The following HTR4 variants were observed in gnomAD, a reference collection of about 807,000 sequenced individuals.
HTR4 encodes 5-hydroxytryptamine receptor 4.
Under a neutral mutation model 36.8 loss-of-function variants are expected in HTR4, and 16 were observed. That is an observed-to-expected ratio of 0.43 (90% CI 0.29 to 0.66). The LOEUF is 0.66. Ranked by LOEUF, HTR4 falls within the 30% of genes least tolerant of loss-of-function variation. The pLI is 0.13. For missense variants in HTR4, 438 were observed against 490.9 expected, an observed-to-expected ratio of 0.89 and a Z score of 1.02; for synonymous variants, 189 against 185.1, an observed-to-expected ratio of 1.02 and a Z score of -0.17.
chr5:148,490,608 C>T, intron 6 of HTR4: 2 of 1,166,436 alleles, frequency 1.7e-6, no homozygotes, highest in East Asian at 6.6e-5. Context: ...ACCTCTTCCC[C>T]AGAAATGTTG....
intron 5 of HTR4, among the ~76,000 whole-genome samples, chr5:148,460,199 TAGAA>T (rs934929820): frequency 1.4e-5 from 2 of 139,838 alleles, no homozygotes; most frequent in African/African-American, 2.6e-5. Context: ...AAAAAGAAAA[TAGAA>T]AGAAACAGAA....
downstream of HTR4, among the ~76,000 whole-genome samples, chr5:148,477,360 T>C (rs1755733161): frequency 6.6e-6 from 1 of 152,186 alleles, no homozygotes; most frequent in Non-Finnish European, 1.5e-5. Context: ...ACTGTATAAA[T>C]GCATCTTTGT....
chr5:148,510,212 G>A (rs948241947), intron 5 of HTR4, among the ~76,000 whole-genome samples, 188 bp from the exon 6 acceptor site: 2 of 152,026 alleles, frequency 1.3e-5, no homozygotes, highest in African/African-American at 4.8e-5. Flanking sequence ...AAGAGTAAAG[G>A]GGAAAGGAAA....
chr5:148,567,358 C>G (rs551620237), intron 2 of HTR4, among the ~76,000 whole-genome samples: 1 of 152,224 alleles, frequency 6.6e-6, no homozygotes, highest in East Asian at 1.9e-4. Context: ...TTATTTCTTG[C>G]AATAAAATCT....
chr5:148,609,181 G>T (rs1379154851), intron 2 of HTR4, among the ~76,000 whole-genome samples: 1 of 152,168 alleles, frequency 6.6e-6, no homozygotes, highest in Admixed American at 6.5e-5. Flanking sequence ...TACTTATAAT[G>T]GCATTGCATT....
chr5:148,482,121 G>T lies in HTR4; in HGVS notation c.*1082C>A. 1 of 985,920 alleles carries T rather than the reference G, an allele frequency of 1.0e-6. No homozygotes were observed. Among genetic ancestry groups the T allele is most frequent in the Non-Finnish European group, 1.2e-6 (1 of 830,354 alleles). 61.1% of individuals were successfully genotyped at this position (985,920 alleles called of 1,614,324 possible). The stretch of plus-strand genomic sequence containing the variant: ...GCAGCACAGCCAGGGCGGCAATTTG[G>T]GTCCTCTGGCTTCAAGTACAGCATT... On this transcript the variant is annotated 3_prime_UTR_variant, in exon 7 of 7. Transcript: ENST00000377888.
In HTR4 at chr5:148,654,489, G is replaced by A; in HGVS notation, c.-475C>T. The A allele has an allele frequency of 1.0e-6, 1 of 985,400 alleles. No homozygotes were observed. The allele number at this position is 985,400 out of a possible 1,614,324, so 61.0% of individuals were successfully genotyped here. On this transcript the variant is annotated 5_prime_UTR_variant, in exon 1 of 7. Transcript: ENST00000377888. ...GAGCGATCTCACCCGTTCCGGGCTG[G>A]CCAGCACGCGCCCTCCCTGGCCGGA...
chr5:148,649,516 G>A (rs1415653200), intron 1 of HTR4, among the ~76,000 whole-genome samples: 1 of 152,120 alleles, frequency 6.6e-6, no homozygotes, highest in East Asian at 1.9e-4. Flanking sequence ...AATTTATCTG[G>A]CAGTAGACAA....
intron 2 of HTR4, among the ~76,000 whole-genome samples, chr5:148,631,937 T>C (rs972417551): frequency 6.6e-6 from 1 of 152,130 alleles, no homozygotes; most frequent in African/African-American, 2.4e-5. Flanking sequence ...TTTACTCAGA[T>C]TTTCTGTGTT....
chr5:148,485,334 A>C (rs908781927), intron 6 of HTR4, among the ~76,000 whole-genome samples: 1 of 152,324 alleles, frequency 6.6e-6, no homozygotes, highest in Admixed American at 6.5e-5. Flanking sequence ...CAGACCTTAC[A>C]TTTAAGTCAT....
At chr5:148,650,418 C>G (rs144238774) in intron 1 of HTR4, among the ~76,000 whole-genome samples, 1 of 152,158 alleles carries the variant, frequency 6.6e-6, no homozygotes, top group African/African-American at 2.4e-5. Context: ...TTAAGGCTAG[C>G]CCTATGAATA....
chr5:148,523,127 T>C, intron 5 of HTR4, 66 bp downstream of exon 5: 1 of 1,364,478 alleles, frequency 7.3e-7, no homozygotes, highest in Non-Finnish European at 1.0e-6. Flanking sequence ...ATATTATTTA[T>C]TCATTTAGGA....
intron 6 of HTR4, among the ~76,000 whole-genome samples, chr5:148,495,572 G>A (rs1250829601): frequency 3.3e-5 from 5 of 152,104 alleles, no homozygotes; most frequent in Non-Finnish European, 5.9e-5. Context: ...AAGGTCCTTG[G>A]TATTTGTCCA....
chr5:148,576,736 A>G (rs1165509947), intron 2 of HTR4, among the ~76,000 whole-genome samples: 2 of 152,182 alleles, frequency 1.3e-5, no homozygotes, highest in African/African-American at 4.8e-5. Context: ...TCCCTATTCA[A>G]TAAAGGGTGC....
chr5:148,600,976 C>CAAAAAAA (rs58003522), intron 2 of HTR4, among the ~76,000 whole-genome samples: 742 of 13,638 alleles, frequency 0.054, 66 homozygotes, highest in Non-Finnish European at 0.062. Flanking sequence ...AACTCAATAG[C>CAAAAAAA]AAAAAAAAAA....
chr5:148,506,562 A>G (rs1757225717), intron 6 of HTR4, among the ~76,000 whole-genome samples: 1 of 152,190 alleles, frequency 6.6e-6, no homozygotes. Flanking sequence ...ACAGCAAAAG[A>G]AACTACCATC....
intron 5 of HTR4, among the ~76,000 whole-genome samples, chr5:148,519,251 A>G (rs1057267570): frequency 1.3e-5 from 2 of 152,218 alleles, no homozygotes; most frequent in Non-Finnish European, 2.9e-5. Flanking sequence ...GATGATGGAA[A>G]GAGAAAGCAG....
chr5:148,520,773 G>T, intron 5 of HTR4: 1 of 856,186 alleles, frequency 1.2e-6, no homozygotes, highest in Non-Finnish European at 1.6e-6. Flanking sequence ...TTGAAAATTT[G>T]GATTTCATTT....
At chr5:148,505,387 C>T (rs1350014555) in intron 6 of HTR4, among the ~76,000 whole-genome samples, 1 of 152,068 alleles carries the variant, frequency 6.6e-6, no homozygotes, top group East Asian at 1.9e-4. Context: ...ATAATAAGAG[C>T]TATTTATGAC....
Sources: allele counts gnomAD v4.1 joint callset (sites outside exome capture counted in the v4.1 genomes callset), GRCh38; gene constraint gnomAD v4.1.1; transcripts MANE v1.5; gene names NCBI Gene and HGNC (gene_info 2026-07-23, HGNC 2026-07-21).